COL15A1: variants seen among roughly 807,000 people sequenced by gnomAD.
COL15A1 encodes collagen type XV alpha 1 chain.
In COL15A1, 111 loss-of-function variants were observed where a neutral mutation model predicts 165.9. The ratio of observed to expected loss-of-function variants is 0.67; its 90% CI spans 0.57 to 0.78. The LOEUF is 0.78. COL15A1 is among the 30% of genes least tolerant of loss of function. The pLI, the probability that COL15A1 is intolerant of heterozygous loss-of-function variation, is 0.00. For synonymous variants in COL15A1, 659 were observed against 674.8 expected, an observed-to-expected ratio of 0.98 and a Z score of 0.36; for missense variants, 1,745 against 1,789.7, an observed-to-expected ratio of 0.98 and a Z score of 0.45.
chr9:99,050,787 T>C (rs938266497), intron 30 of COL15A1, among the ~76,000 whole-genome samples: 3 of 152,106 alleles, frequency 2.0e-5, no homozygotes, highest in Non-Finnish European at 4.4e-5. Context: ...TTGAGGTGAG[T>C]TCGTAATTGA....
Position 99,024,452 on chromosome 9 carries a change from T to G in COL15A1, c.1855-422T>G, listed in dbSNP as rs58012066. Among the ~76,000 whole-genome samples, 14 of 151,946 alleles carry G rather than the reference T, an allele frequency of 9.2e-5. No homozygotes were observed. In the East Asian group the frequency reaches 2.3e-3, roughly 25 times the overall value. On this transcript the variant is annotated intron_variant, in intron 14 of 41. Coordinates refer to ENST00000375001, the MANE Select transcript of COL15A1 (RefSeq NM_001855.5). ...GGTGCCGGCCACCACGCCCGGCTAA[T>G]TTTTTGTATTTTTAGTAGAGACAGG...
intron 2 of COL15A1, among the ~76,000 whole-genome samples, chr9:98,953,533 C>T (rs1837725324): frequency 6.6e-6 from 1 of 152,186 alleles, no homozygotes; most frequent in East Asian, 1.9e-4. Context: ...CCAACCTAAT[C>T]CAATCCAACC....
intron 2 of COL15A1, 71 bp from the exon 3 acceptor site, chr9:98,985,494 G>GCGTT (rs1455873000): frequency 1.4e-6 from 2 of 1,412,486 alleles, no homozygotes; most frequent in African/African-American, 2.8e-5. Flanking sequence ...ATTTGTGACT[G>GCGTT]CGTTTCTTCC....
intron 26 of COL15A1, among the ~76,000 whole-genome samples, chr9:99,045,706 C>A (rs1446199134): frequency 6.6e-6 from 1 of 152,212 alleles, no homozygotes; most frequent in Non-Finnish European, 1.5e-5. Flanking sequence ...TGTGACACAG[C>A]TTGTAAGTGG....
intron 40 of COL15A1, 135 bp from the exon 41 acceptor site, chr9:99,068,420 C>G (rs1201917261): frequency 2.2e-5 from 9 of 416,246 alleles, no homozygotes; most frequent in African/African-American, 1.7e-4. Flanking sequence ...AGCCAAGATC[C>G]CACCATTGCA....
At chr9:98,991,142 G>A (rs1838417940) in intron 5 of COL15A1, among the ~76,000 whole-genome samples, 1 of 152,188 alleles carries the variant, frequency 6.6e-6, no homozygotes, top group Non-Finnish European at 1.5e-5. Context: ...CGGACCCAAA[G>A]ACACTAACAG....
chr9:99,045,915 A>G lies in COL15A1; in HGVS notation c.2679+1145A>G, dbSNP rs549377858. Among the ~76,000 whole-genome samples, 7 of 152,376 alleles carry G rather than the reference A, an allele frequency of 4.6e-5. No homozygotes were observed. The East Asian group carries it at 1.2e-3, about 25-fold the overall frequency. On this transcript the variant is annotated intron_variant, in intron 26 of 41. Coordinates refer to ENST00000375001, the MANE Select transcript of COL15A1 (RefSeq NM_001855.5). ...CCTCACATTTCTGTAACAGACTTGT[A>G]TCCTTGAAGAATGGCCTGTAACTTT...
intron 35 of COL15A1, 51 bp from the exon 36 acceptor site, chr9:99,059,838 A>G: frequency 6.2e-7 from 1 of 1,606,022 alleles, no homozygotes; most frequent in Non-Finnish European, 8.5e-7. Flanking sequence ...TACCTCAGAC[A>G]TTTTTCAGAG....
intron 32 of COL15A1, 150 bp from the exon 33 acceptor site, chr9:99,054,952 C>T (rs1229240747): frequency 2.6e-6 from 2 of 760,650 alleles, no homozygotes; most frequent in Non-Finnish European, 4.5e-6. Context: ...CAGTAGCTAG[C>T]ACCTGTTTCT....
At chr9:98,968,495 C>CTTTCCCAA (rs1456831402) in intron 2 of COL15A1, among the ~76,000 whole-genome samples, 1 of 152,096 alleles carries the variant, frequency 6.6e-6, no homozygotes, top group Non-Finnish European at 1.5e-5. Flanking sequence ...TTAATCTTTG[C>CTTTCCCAA]CTCTGTGGCC....
intron 31 of COL15A1, among the ~76,000 whole-genome samples, 176 bp from the exon 32 acceptor site, chr9:99,054,400 T>A (rs960120600): frequency 1.3e-5 from 2 of 152,222 alleles, no homozygotes; most frequent in African/African-American, 2.4e-5. Context: ...TGAGAATGTG[T>A]CTGAAGCATC....
chr9:99,012,764 T>A (rs73503730), intron 9 of COL15A1, among the ~76,000 whole-genome samples: 21,580 of 135,804 alleles, frequency 0.16, 1,618 homozygotes, highest in East Asian at 0.27. Flanking sequence ...CAGGCTGGAG[T>A]GCAATGGTAC....
chr9:99,007,801 A>G lies in COL15A1; in HGVS notation c.1353+2751A>G, dbSNP rs147434654. Among the ~76,000 whole-genome samples the G allele has an allele frequency of 3.9e-3, 595 of 152,332 alleles. 1 individual carries two copies. The highest frequency in any genetic ancestry group is 5.4e-3 in the Non-Finnish European group (370 of 68,024). ...ATGGCTTAATTTTAGTGATTTCAAAAATGGGGAAAAAATGGAAAAGAAGAA... is the reference window on the plus strand; with the variant it reads ...ATGGCTTAATTTTAGTGATTTCAAAGATGGGGAAAAAATGGAAAAGAAGAA... On this transcript the variant is annotated intron_variant, in intron 9 of 41. Transcript: ENST00000375001.
chr9:99,045,623 A>G (rs1265064995), intron 26 of COL15A1, among the ~76,000 whole-genome samples: 1 of 152,190 alleles, frequency 6.6e-6, no homozygotes, highest in African/African-American at 2.4e-5. Flanking sequence ...TCACAACCCC[A>G]AGAAGTGACT....
intron 21 of COL15A1, among the ~76,000 whole-genome samples, chr9:99,038,003 C>T (rs939100737): frequency 1.3e-5 from 2 of 151,998 alleles, no homozygotes; most frequent in South Asian, 2.1e-4. Flanking sequence ...AATATTAAGA[C>T]ATCACATCAT....
rs976322636 is a variant in COL15A1 at position 99,005,013 on chromosome 9, C to T, written c.1316C>T (p.Ser439Phe). Residue 439 changes from serine (S) to phenylalanine (F), a missense_variant, in exon 9 of 42, where the codon TCC becomes TTC. By Grantham distance (155) the Ser-to-Phe change is radical (BLOSUM62 -2). Transcript: ENST00000375001. ...GTGGCCCCCGGGGAGCTGGACCTCTCCATGTCCGCCCAGAGCCTCGGGGAA... is the reference window on the plus strand; with the variant it reads ...GTGGCCCCCGGGGAGCTGGACCTCTTCATGTCCGCCCAGAGCCTCGGGGAA... Reference protein sequence around the residue: ...SGVAPGELDLSMSAQSLGEEA... With the variant: ...SGVAPGELDLFMSAQSLGEEA... 1.9e-6 allele frequency: 3 copies of T among 1,612,842 alleles called. No homozygotes were observed. In the African/African-American group the frequency reaches 4.0e-5, roughly 22 times the overall value.
intron 24 of COL15A1, among the ~76,000 whole-genome samples, chr9:99,043,455 C>T (rs1000638825): frequency 7.2e-5 from 11 of 152,080 alleles, no homozygotes; most frequent in Non-Finnish European, 1.0e-4. Flanking sequence ...ATGACATCCC[C>T]GCCCTAACCT....
intron 2 of COL15A1, among the ~76,000 whole-genome samples, chr9:98,955,691 G>A (rs1309063357): frequency 2.6e-5 from 4 of 152,198 alleles, no homozygotes. Context: ...GTTAAGCTGT[G>A]CTTTTTCTGG....
At chr9:98,994,919 C>T (rs1377709875) in intron 5 of COL15A1, among the ~76,000 whole-genome samples, 1 of 152,082 alleles carries the variant, frequency 6.6e-6, no homozygotes, top group Non-Finnish European at 1.5e-5. Flanking sequence ...GGTTGGGATG[C>T]CTTGTTGGGA....
Sources: gnomAD v4.1 joint callset for allele counts (sites outside exome capture counted in the v4.1 genomes callset) on GRCh38, gnomAD v4.1.1 for gene constraint, MANE v1.5 for transcripts, NCBI Gene and HGNC (gene_info 2026-07-23, HGNC 2026-07-21) for gene names.